Variants in ATP10B observed in about 807,000 individuals in gnomAD.
ATP10B encodes phospholipid-transporting ATPase VB.
In ATP10B, 122 loss-of-function variants were observed where a neutral mutation model predicts 141.2. That is an observed-to-expected ratio of 0.86 (90% CI 0.75 to 1.00). The LOEUF (loss-of-function observed/expected upper bound fraction) is 1.00. ATP10B is among the 50% of genes least tolerant of loss of function. The pLI is 0.00. For synonymous variants in ATP10B, 685 were observed against 692.0 expected (o/e 0.99, Z 0.16); for missense variants, 1,876 against 1,825.3 (o/e 1.03, Z -0.51).
At chr5:160,708,584 A>G (rs528355274) in intron 3 of ATP10B, among the ~76,000 whole-genome samples, 1 of 152,300 alleles carries the variant, frequency 6.6e-6, no homozygotes, top group African/African-American at 2.4e-5. Flanking sequence ...GCTGTCCAGC[A>G]GTGTGGGGTG....
chr5:160,818,036 C>A (rs1332316882), intron 1 of ATP10B, among the ~76,000 whole-genome samples: 2 of 152,072 alleles, frequency 1.3e-5, no homozygotes, highest in East Asian at 3.9e-4. Flanking sequence ...GACTTAAAAC[C>A]ATAAAAACCC....
intron 21 of ATP10B, among the ~76,000 whole-genome samples, chr5:160,601,611 T>C (rs992028030): frequency 2.0e-5 from 3 of 152,226 alleles, no homozygotes; most frequent in Non-Finnish European, 4.4e-5. Flanking sequence ...AACATAGTTT[T>C]AGAATACACA....
chr5:160,701,370 T>C (rs1287426561), intron 3 of ATP10B, among the ~76,000 whole-genome samples: 2 of 152,178 alleles, frequency 1.3e-5, no homozygotes, highest in Admixed American at 6.5e-5. Context: ...TGTGTCCATC[T>C]TTCTCTCCCA....
intron 3 of ATP10B, among the ~76,000 whole-genome samples, chr5:160,704,861 T>G (rs72818553): frequency 0.037 from 5,573 of 151,266 alleles, 155 homozygotes; most frequent in Non-Finnish European, 0.053. Flanking sequence ...AGATGGCTGT[T>G]TTCCCTTAAA....
intron 3 of ATP10B, among the ~76,000 whole-genome samples, chr5:160,706,367 G>A (rs1765012891): frequency 6.6e-6 from 1 of 152,238 alleles, no homozygotes; most frequent in Non-Finnish European, 1.5e-5. Context: ...GAAGAGCAAT[G>A]AAACGAGGTT....
At chr5:160,833,519 CCACA>C (rs1190358442) in intron 1 of ATP10B, among the ~76,000 whole-genome samples, 5 of 152,082 alleles carry the variant, frequency 3.3e-5, no homozygotes, top group Non-Finnish European at 7.4e-5. Flanking sequence ...TTTGATTTTC[CCACA>C]CAATGTCCAG....
At chr5:160,580,654 A>G (rs886571841) in intron 24 of ATP10B, among the ~76,000 whole-genome samples, 1 of 152,230 alleles carries the variant, frequency 6.6e-6, no homozygotes, top group Non-Finnish European at 1.5e-5. Context: ...TTTTTGTATC[A>G]GGATGATGCT....
the ATP10B span, among the ~76,000 whole-genome samples, chr5:160,904,490 T>C: frequency 0.54 from 81,276 of 151,354 alleles, 22,041 homozygotes; most frequent in African/African-American, 0.59. Context: ...TATTTGCCTG[T>C]ATGTCTGGGT....
chr5:160,877,785 AT>A, the ATP10B span, among the ~76,000 whole-genome samples: 2 of 119,040 alleles, frequency 1.7e-5, 1 homozygote, highest in African/African-American at 5.2e-5. Context: ...CCCATTCACA[AT>A]TGCTTCAAAG....
At chr5:160,703,617 CAGGCA>C (rs1764805461) in intron 3 of ATP10B, among the ~76,000 whole-genome samples, 1 of 150,038 alleles carries the variant, frequency 6.7e-6, no homozygotes. Flanking sequence ...GCTGGGGCTA[CAGGCA>C]CCTGGGTAAT....
chr5:160,824,150 C>T (rs1267533965), intron 1 of ATP10B, among the ~76,000 whole-genome samples: 4 of 151,766 alleles, frequency 2.6e-5, no homozygotes, highest in African/African-American at 7.3e-5. Context: ...GCCTCCCGAG[C>T]AGCTGGGACT....
At chr5:160,632,402 T>C in intron 12 of ATP10B, 35 bp from the exon 13 acceptor site, 2 of 1,594,376 alleles carry the variant, frequency 1.3e-6, no homozygotes, top group Non-Finnish European at 1.7e-6. Flanking sequence ...GCACTAGTTG[T>C]ACCTCGGCTG....
chr5:160,650,145 CACATACATATATATACATATATAT>C lies in ATP10B; in HGVS notation c.676-913_676-890del, dbSNP rs1760615587. 2.0e-5 allele frequency among the ~76,000 whole-genome samples: 3 copies of C among 148,646 alleles called. No individual in the cohort carries two copies. In the South Asian group the frequency reaches 6.3e-4, roughly 31 times the overall value. ...ATATATATATATATACACACACACA[CACATACATATATATACATATATAT>C]ACATACATATATATATACATGTACA... On this transcript the variant is annotated intron_variant, in intron 7 of 25. Transcript: ENST00000327245.
chr5:160,574,843 G>A (rs1755093274), intron 24 of ATP10B, among the ~76,000 whole-genome samples: 1 of 149,538 alleles, frequency 6.7e-6, no homozygotes. Flanking sequence ...GCAGCAAGAG[G>A]ACACCATTTG....
chr5:160,861,064 A>G, the ATP10B span, among the ~76,000 whole-genome samples: 3 of 151,908 alleles, frequency 2.0e-5, no homozygotes, highest in Non-Finnish European at 4.4e-5. Flanking sequence ...CTTTAGGATG[A>G]CACTATATAA....
At chr5:160,719,057 T>TA (rs1381429023) in intron 2 of ATP10B, among the ~76,000 whole-genome samples, 4 of 152,104 alleles carry the variant, frequency 2.6e-5, no homozygotes, top group Admixed American at 1.3e-4. Flanking sequence ...AGCCAATAAA[T>TA]AAAAAAACTG....
intron 8 of ATP10B, among the ~76,000 whole-genome samples, chr5:160,646,377 ATAGT>A (rs900584024): frequency 2.0e-5 from 3 of 152,248 alleles, no homozygotes; most frequent in African/African-American, 7.2e-5. Context: ...ATGGCAAATA[ATAGT>A]TAGAATATAA....
chr5:160,753,292 T>C (rs1205247078), intron 2 of ATP10B, among the ~76,000 whole-genome samples: 2 of 152,242 alleles, frequency 1.3e-5, no homozygotes, highest in African/African-American at 4.8e-5. Flanking sequence ...CTAGCCTCGA[T>C]GTTGCTCTAG....
chr5:160,787,275 A>C (rs1322563015), intron 1 of ATP10B, among the ~76,000 whole-genome samples: 1 of 152,196 alleles, frequency 6.6e-6, no homozygotes, highest in Non-Finnish European at 1.5e-5. Flanking sequence ...CACAAGCTGA[A>C]TCTGAGTGGT....
Sources: allele counts gnomAD v4.1 joint callset (sites outside exome capture counted in the v4.1 genomes callset), GRCh38; gene constraint gnomAD v4.1.1; transcripts MANE v1.5; gene names NCBI Gene and HGNC (gene_info 2026-07-23, HGNC 2026-07-21).